The following TIAM2 variants were observed in gnomAD, a reference collection of about 807,000 sequenced individuals.
The protein encoded by TIAM2 is rho guanine nucleotide exchange factor TIAM2.
Under a neutral mutation model 152.9 loss-of-function variants are expected in TIAM2, and 80 were observed. The observed-to-expected ratio is 0.52, with a 90% CI of 0.44 to 0.63. TIAM2 has a LOEUF of 0.63. Ranked by LOEUF, TIAM2 falls within the 30% of genes least tolerant of loss-of-function variation. The probability of loss-of-function intolerance (pLI) is 0.00; values close to 1 mark genes in which losing one functional copy is unlikely to be tolerated. For synonymous variants in TIAM2, 804 were observed against 838.0 expected (o/e 0.96, Z 0.70); for missense variants, 1,965 against 2,120.1 (o/e 0.93, Z 1.44).
At chr6:155,031,971 A>G (rs35446478) in intron 1 of TIAM2, among the ~76,000 whole-genome samples, 59,648 of 151,998 alleles carry the variant, frequency 0.39, 12,187 homozygotes, top group African/African-American at 0.5. Flanking sequence ...GATGTATATC[A>G]ACTGCGACTA....
intron 7 of TIAM2, among the ~76,000 whole-genome samples, chr6:155,150,858 G>A (rs1030123945): frequency 9.2e-5 from 14 of 152,190 alleles, no homozygotes; most frequent in African/African-American, 2.9e-4. Flanking sequence ...TCACCATTAT[G>A]ACTGTCGTGC....
At chr6:155,164,780 G>C (rs1032142) in intron 8 of TIAM2, among the ~76,000 whole-genome samples, 180 bp downstream of exon 8, 80,046 of 151,866 alleles carry the variant, frequency 0.53, 22,410 homozygotes, top group East Asian at 0.85. Flanking sequence ...GTGCTGTAGA[G>C]CCCCCGGTTT....
intron 2 of TIAM2, among the ~76,000 whole-genome samples, chr6:155,099,523 G>C (rs1285947717): frequency 6.6e-6 from 1 of 152,150 alleles, no homozygotes; most frequent in Non-Finnish European, 1.5e-5. Context: ...TAGCCATTGA[G>C]TAATTAATGA....
At position 155,054,768 on chromosome 6, in the gene TIAM2, A is replaced by G. The variant is rs143368843; in HGVS notation, c.-208-35521A>G. ...CGTGACCTCAAGGATCTGCCGTGAT[A>G]TTGGTCAATAAAGTACTTAAGGTTG... On this transcript the variant is annotated intron_variant, in intron 1 of 26. Coordinates refer to ENST00000682666, the MANE Select transcript of TIAM2 (RefSeq NM_012454.4). 6.1e-4 allele frequency among the ~76,000 whole-genome samples: 93 copies of G among 152,198 alleles called. No homozygotes were observed. The East Asian group carries it at 0.015, about 24-fold the overall frequency.
At chr6:155,138,853 T>C (rs538907927) in intron 5 of TIAM2, among the ~76,000 whole-genome samples, 83 of 151,450 alleles carry the variant, frequency 5.5e-4, no homozygotes, top group African/African-American at 1.9e-3. Flanking sequence ...CCAGCTGTCT[T>C]TTTTTTTTAA....
intron 1 of TIAM2, among the ~76,000 whole-genome samples, chr6:155,037,245 C>T (rs1046261387): frequency 3.3e-5 from 5 of 152,094 alleles, no homozygotes; most frequent in East Asian, 1.9e-4. Context: ...ATACTGACCT[C>T]GAATAGAGTT....
At chr6:155,002,349 A>G (rs1778327578) in intron 1 of TIAM2, among the ~76,000 whole-genome samples, 4 of 152,152 alleles carry the variant, frequency 2.6e-5, no homozygotes, top group Admixed American at 2.6e-4. Flanking sequence ...AGGTCGAGGC[A>G]ACAGTGAGCC....
chr6:155,025,581 AGTGCT>A (rs1776585353), intron 1 of TIAM2, among the ~76,000 whole-genome samples: 1 of 151,982 alleles, frequency 6.6e-6, no homozygotes, highest in African/African-American at 2.4e-5. Context: ...AGCCTCCTAA[AGTGCT>A]GGGATTACAG....
At position 155,174,410 on chromosome 6, in the gene TIAM2, G is replaced by A. The variant is rs551763584; in HGVS notation, c.2362-2406G>A. Among the ~76,000 whole-genome samples the A allele has an allele frequency of 2.0e-5, 3 of 150,914 alleles. No individual in the cohort carries two copies. The South Asian group carries it at 6.3e-4, about 32-fold the overall frequency. On this transcript the variant is annotated intron_variant, in intron 9 of 26. Transcript: ENST00000682666. This position sits in a 1 kb window ranked among gnomAD's most constrained non-coding sequence, Gnocchi z 4.2. ...TTTTGAGATGGAGCCTCCCTCTGTC[G>A]CCCAGGCTGGAGTGCAGTGGCACGA...
At chr6:155,104,593 T>TA (rs1187525487) in intron 2 of TIAM2, among the ~76,000 whole-genome samples, 2 of 151,866 alleles carry the variant, frequency 1.3e-5, no homozygotes, top group African/African-American at 2.4e-5. Context: ...CCGTCTCTAC[T>TA]AAAAATACAA....
chr6:155,038,643 G>A (rs60574493), intron 1 of TIAM2, among the ~76,000 whole-genome samples: 22,109 of 152,180 alleles, frequency 0.15, 1,873 homozygotes, highest in East Asian at 0.32. Flanking sequence ...AAAATGAAGA[G>A]TAGGCCTGGC....
chr6:155,012,684 G>A (rs1778509421), intron 1 of TIAM2, among the ~76,000 whole-genome samples: 1 of 152,144 alleles, frequency 6.6e-6, no homozygotes, highest in Admixed American at 6.6e-5. Context: ...CCGAGTAGCT[G>A]GGACTACAGG....
At position 155,218,306 on chromosome 6, in the gene TIAM2, C is replaced by T. The variant is rs1004024749; in HGVS notation, c.3168+6999C>T. ...CCTCCTCAAGGCAAACGCTTTGTCC[C>T]TGAAAAATGGTTTGGGGTGTGGCAG... On this transcript the variant is annotated intron_variant, in intron 15 of 26. Transcript: ENST00000682666. The surrounding 1 kb of genome is among the most constrained non-coding windows in gnomAD (Gnocchi z 4.5). Among the ~76,000 whole-genome samples the T allele has an allele frequency of 6.6e-6, 1 of 152,168 alleles. No homozygotes were observed. The highest frequency in any genetic ancestry group is 1.5e-5 in the Non-Finnish European group (1 of 68,028).
intron 5 of TIAM2, among the ~76,000 whole-genome samples, chr6:155,141,415 A>ACC (rs889873259): frequency 4.6e-5 from 7 of 152,030 alleles, no homozygotes; most frequent in Non-Finnish European, 8.8e-5. Context: ...ACACACACAC[A>ACC]CACTCTTAAG....
At chr6:155,042,299 AG>A (rs59473184) in intron 1 of TIAM2, among the ~76,000 whole-genome samples, 7,626 of 152,050 alleles carry the variant, frequency 0.05, 368 homozygotes, top group African/African-American at 0.13. Context: ...CAACTTCCAA[AG>A]CCCATCCCTT....
At chr6:155,079,910 T>G (rs908396534) in intron 1 of TIAM2, among the ~76,000 whole-genome samples, 1 of 152,210 alleles carries the variant, frequency 6.6e-6, no homozygotes, top group African/African-American at 2.4e-5. Flanking sequence ...ACTGTGCCAC[T>G]GCACTCCAGC....
intron 2 of TIAM2, among the ~76,000 whole-genome samples, chr6:155,120,637 T>C (rs1453680248): frequency 6.6e-6 from 1 of 152,218 alleles, no homozygotes; most frequent in Non-Finnish European, 1.5e-5. Context: ...TCCTGAGTTT[T>C]AATATTTTCA....
At chr6:155,124,394 A>C (rs1393154788) in intron 2 of TIAM2, among the ~76,000 whole-genome samples, 1 of 151,778 alleles carries the variant, frequency 6.6e-6, no homozygotes, top group Non-Finnish European at 1.5e-5. Context: ...GCAACGGCAC[A>C]ATCTCGGCTC....
intron 4 of TIAM2, among the ~76,000 whole-genome samples, chr6:155,133,023 A>C (rs560599731): frequency 6.6e-6 from 1 of 152,274 alleles, no homozygotes; most frequent in East Asian, 1.9e-4. Context: ...CATTGTCCAA[A>C]AACTTAACTC....
Sources: gnomAD v4.1 joint callset for allele counts (sites outside exome capture counted in the v4.1 genomes callset) on GRCh38, gnomAD v4.1.1 for gene constraint, Gnocchi (gnomAD v3.1) non-coding constraint, MANE v1.5 for transcripts, NCBI Gene and HGNC (gene_info 2026-07-23, HGNC 2026-07-21) for gene names.